The following CNTNAP5 variants were observed in gnomAD, a reference collection of about 807,000 sequenced individuals.
CNTNAP5 encodes contactin-associated protein-like 5.
CNTNAP5 carries 72 observed loss-of-function variants against 150.2 expected under a neutral mutation model. The observed-to-expected ratio is 0.48, with a 90% CI of 0.40 to 0.58. The LOEUF is 0.58. Among genes scored for constraint, CNTNAP5 ranks in the 20% least tolerant of loss-of-function variants. The pLI, the probability that CNTNAP5 is intolerant of heterozygous loss-of-function variation, is 0.00. For missense variants in CNTNAP5, 1,636 were observed against 1,626.2 expected, an observed-to-expected ratio of 1.01 and a Z score of -0.10; for synonymous variants, 672 against 619.8, an observed-to-expected ratio of 1.08 and a Z score of -1.25.
intron 7 of CNTNAP5, among the ~76,000 whole-genome samples, chr2:124,487,093 A>G (rs1364690824): frequency 6.6e-6 from 1 of 152,130 alleles, no homozygotes; most frequent in East Asian, 1.9e-4. Flanking sequence ...ACATCCACCC[A>G]TGGGGTTATC....
Position 124,865,289 on chromosome 2 carries a change from A to G in CNTNAP5, c.3218-17A>G. On this transcript the variant is annotated splice_polypyrimidine_tract_variant and intron_variant, in intron 19 of 23. Coordinates refer to ENST00000682447, the MANE Select transcript of CNTNAP5 (RefSeq NM_001367498.1). ...GGTGCTGCTTTATATTCTAATTTCT[A>G]ATATTTTTCTTTCAAGGAAGCTTAC... is the stretch of plus-strand genomic sequence containing the variant. 6.5e-7 allele frequency: 1 copy of G among 1,546,150 alleles called. No homozygotes were observed. The highest frequency in any genetic ancestry group is 1.4e-5 in the African/African-American group (1 of 72,858).
At chr2:124,443,192 C>T (rs1036135320) in intron 5 of CNTNAP5, among the ~76,000 whole-genome samples, 4 of 150,484 alleles carry the variant, frequency 2.7e-5, no homozygotes, top group Admixed American at 6.6e-5. Flanking sequence ...CACTAGGAAG[C>T]TCATTAAATG....
intron 8 of CNTNAP5, among the ~76,000 whole-genome samples, chr2:124,521,588 C>T (rs902439771): frequency 6.6e-6 from 1 of 152,106 alleles, no homozygotes; most frequent in Admixed American, 6.5e-5. Context: ...TTCGAGGGGA[C>T]ACTCACTGTG....
intron 1 of CNTNAP5, among the ~76,000 whole-genome samples, chr2:124,048,182 C>T (rs1305077386): frequency 6.6e-6 from 1 of 152,164 alleles, no homozygotes; most frequent in Non-Finnish European, 1.5e-5. Context: ...TGCTACCCAT[C>T]TATGTTGTTC....
At chr2:124,289,220 C>T (rs1348544705) in intron 3 of CNTNAP5, among the ~76,000 whole-genome samples, 3 of 152,148 alleles carry the variant, frequency 2.0e-5, no homozygotes, top group Non-Finnish European at 4.4e-5. Context: ...GACCGTTTCA[C>T]TAATTAGACA....
At chr2:124,476,981 C>T (rs772740095) in intron 7 of CNTNAP5, among the ~76,000 whole-genome samples, 81 of 152,244 alleles carry the variant, frequency 5.3e-4, no homozygotes, top group Non-Finnish European at 9.7e-4. Flanking sequence ...CCAGAGAATT[C>T]TCCACTGTGT....
At chr2:124,129,519 T>TA (rs1381460150) in intron 1 of CNTNAP5, among the ~76,000 whole-genome samples, 20 of 148,522 alleles carry the variant, frequency 1.3e-4, no homozygotes, top group African/African-American at 3.7e-4. Context: ...TGGGAATAAT[T>TA]TAAAAAAAAA....
intron 13 of CNTNAP5, among the ~76,000 whole-genome samples, chr2:124,668,567 C>A (rs887560384): frequency 2.0e-5 from 3 of 152,160 alleles, no homozygotes; most frequent in Non-Finnish European, 4.4e-5. Context: ...GCCCTCCCTG[C>A]TACTCTGTGC....
Position 124,426,616 on chromosome 2 carries a change from G to C in CNTNAP5, c.530-7868G>C, listed in dbSNP as rs112931256. Reference sequence around the variant, plus strand: ...GTCAATGTTGAGCTTCGGCTTTCTGGCCCGTGAGGAAGCTGACTCTTTGTC... The same window carrying C: ...GTCAATGTTGAGCTTCGGCTTTCTGCCCCGTGAGGAAGCTGACTCTTTGTC... On this transcript the variant is annotated intron_variant, in intron 4 of 23. Transcript: ENST00000682447. Among the ~76,000 whole-genome samples the C allele has an allele frequency of 4.9e-4, 75 of 152,276 alleles. 1 individual carries two copies. Among genetic ancestry groups the C allele is most frequent in the Admixed American group, 2.8e-3 (43 of 15,294 alleles).
intron 13 of CNTNAP5, among the ~76,000 whole-genome samples, chr2:124,678,005 G>A (rs72845873): frequency 0.022 from 3,342 of 151,966 alleles, 62 homozygotes; most frequent in Middle Eastern, 0.037. Context: ...CATGTTGGGC[G>A]TTTCTTTAAG....
intron 3 of CNTNAP5, among the ~76,000 whole-genome samples, chr2:124,362,701 T>C (rs1259306222): frequency 6.6e-6 from 1 of 152,186 alleles, no homozygotes; most frequent in Non-Finnish European, 1.5e-5. Context: ...TTATTCTCAG[T>C]TTGCAAGGCT....
chr2:124,306,336 G>T (rs1361199684), intron 3 of CNTNAP5, among the ~76,000 whole-genome samples: 3 of 152,162 alleles, frequency 2.0e-5, no homozygotes, highest in Admixed American at 1.3e-4. Flanking sequence ...CCACCTGGAA[G>T]TGAGTTAGAC....
intron 10 of CNTNAP5, among the ~76,000 whole-genome samples, chr2:124,552,834 T>G (rs140487518): frequency 1.3e-5 from 2 of 152,180 alleles, no homozygotes; most frequent in Admixed American, 6.5e-5. Flanking sequence ...TTCCAGTCCA[T>G]TGAAGGACTT....
intron 6 of CNTNAP5, among the ~76,000 whole-genome samples, chr2:124,451,077 T>TATATATATATATATATACAC (rs755084840): frequency 8.1e-5 from 5 of 61,534 alleles, no homozygotes; most frequent in African/African-American, 3.6e-4. Flanking sequence ...TATATATATA[T>TATATATATATATATATACAC]ACACACACAC....
intron 19 of CNTNAP5, among the ~76,000 whole-genome samples, chr2:124,845,293 T>C (rs536784828): frequency 4.6e-5 from 7 of 152,208 alleles, no homozygotes; most frequent in Non-Finnish European, 8.8e-5. Flanking sequence ...TATTGACTTA[T>C]GTCTGTTAAA....
intron 12 of CNTNAP5, among the ~76,000 whole-genome samples, chr2:124,641,538 G>A (rs1210553105): frequency 6.6e-6 from 1 of 152,246 alleles, no homozygotes; most frequent in Non-Finnish European, 1.5e-5. Context: ...TTGCCAATGA[G>A]TAGATGGAAA....
At chr2:124,187,888 CAT>C (rs1165224433) in intron 1 of CNTNAP5, among the ~76,000 whole-genome samples, 2 of 152,112 alleles carry the variant, frequency 1.3e-5, no homozygotes, top group Admixed American at 6.6e-5. Context: ...AAAGAGGAAA[CAT>C]ATTGACTCAG....
chr2:124,096,412 A>G (rs992481258), intron 1 of CNTNAP5, among the ~76,000 whole-genome samples: 2 of 152,216 alleles, frequency 1.3e-5, no homozygotes, highest in African/African-American at 4.8e-5. Context: ...AAAATTTTCA[A>G]TAGCTCCTTC....
chr2:124,825,247 A>G (rs113934108), intron 19 of CNTNAP5, among the ~76,000 whole-genome samples: 34 of 152,304 alleles, frequency 2.2e-4, no homozygotes, highest in African/African-American at 8.2e-4. Flanking sequence ...TAACAAATTT[A>G]CTTTCTTAAA....
Sources: allele counts gnomAD v4.1 joint callset (sites outside exome capture counted in the v4.1 genomes callset), GRCh38; gene constraint gnomAD v4.1.1; transcripts MANE v1.5; gene names NCBI Gene and HGNC (gene_info 2026-07-23, HGNC 2026-07-21).